Variants in GALNTL6 observed in about 807,000 individuals in gnomAD.
GALNTL6 encodes the protein polypeptide N-acetylgalactosaminyltransferase like 6.
In GALNTL6, 46 loss-of-function variants were observed where a neutral mutation model predicts 73.7. The ratio of observed to expected loss-of-function variants is 0.62; its 90% CI spans 0.49 to 0.80. The LOEUF is 0.80. GALNTL6 is among the 30% of genes least tolerant of loss of function. GALNTL6 has a pLI of 0.00. For missense variants in GALNTL6, 604 were observed against 755.0 expected, an observed-to-expected ratio of 0.80 and a Z score of 2.34; for synonymous variants, 259 against 263.7, an observed-to-expected ratio of 0.98 and a Z score of 0.17.
intron 4 of GALNTL6, among the ~76,000 whole-genome samples, chr4:172,339,178 G>T (rs1177020249): frequency 6.6e-6 from 1 of 151,832 alleles, no homozygotes; most frequent in East Asian, 1.9e-4. Flanking sequence ...AGATATGCCT[G>T]GGCATGGAGT....
chr4:172,875,166 A>G (rs1745130350), intron 7 of GALNTL6, among the ~76,000 whole-genome samples: 1 of 152,228 alleles, frequency 6.6e-6, no homozygotes, highest in Non-Finnish European at 1.5e-5. Flanking sequence ...GATGGACCCA[A>G]AGACCCTTGT....
chr4:172,285,967 T>G (rs1739229599), intron 3 of GALNTL6, among the ~76,000 whole-genome samples: 1 of 152,128 alleles, frequency 6.6e-6, no homozygotes, highest in South Asian at 2.1e-4. Context: ...GATACAAAAT[T>G]AACATCTCAG....
At chr4:172,025,158 C>T (rs1334070472) in intron 2 of GALNTL6, among the ~76,000 whole-genome samples, 3 of 151,846 alleles carry the variant, frequency 2.0e-5, no homozygotes, top group African/African-American at 7.3e-5. Context: ...ATAATGTTTC[C>T]AAATAAGGGG....
intron 3 of GALNTL6, among the ~76,000 whole-genome samples, chr4:172,277,064 A>T (rs1157973887): frequency 6.6e-6 from 1 of 151,764 alleles, no homozygotes; most frequent in African/African-American, 2.4e-5. Flanking sequence ...TCTGTTTTTG[A>T]CACCTCTTTG....
chr4:172,023,064 C>A (rs35164539), intron 2 of GALNTL6, among the ~76,000 whole-genome samples: 1 of 151,822 alleles, frequency 6.6e-6, no homozygotes, highest in African/African-American at 2.4e-5. Context: ...TACTCCTTTC[C>A]TCCCAACATC....
intron 2 of GALNTL6, among the ~76,000 whole-genome samples, chr4:172,086,512 T>C (rs1444822454): frequency 1.3e-5 from 2 of 151,980 alleles, no homozygotes; most frequent in African/African-American, 4.8e-5. Flanking sequence ...ATTCCTAAAG[T>C]TTATTCCTAT....
At chr4:172,324,928 T>C (rs1740891492) in intron 4 of GALNTL6, among the ~76,000 whole-genome samples, 1 of 151,368 alleles carries the variant, frequency 6.6e-6, no homozygotes, top group Non-Finnish European at 1.5e-5. Context: ...TATAAAGTGC[T>C]CCTTATAGGT....
At chr4:172,185,404 A>C (rs1401142950) in intron 2 of GALNTL6, among the ~76,000 whole-genome samples, 1 of 152,206 alleles carries the variant, frequency 6.6e-6, no homozygotes, top group Non-Finnish European at 1.5e-5. Context: ...TCGTTACACC[A>C]CAACTCTCAA....
chr4:172,894,350 C>T (rs1746208875), intron 8 of GALNTL6, among the ~76,000 whole-genome samples: 1 of 151,996 alleles, frequency 6.6e-6, no homozygotes, highest in South Asian at 2.1e-4. Flanking sequence ...ATAAACTTCC[C>T]TCTTAGTACT....
chr4:172,935,597 G>T (rs1241804670), intron 9 of GALNTL6, among the ~76,000 whole-genome samples: 1 of 152,058 alleles, frequency 6.6e-6, no homozygotes, highest in Non-Finnish European at 1.5e-5. Flanking sequence ...TGATAAAGGG[G>T]ATATTACCAC....
intron 5 of GALNTL6, among the ~76,000 whole-genome samples, chr4:172,701,292 C>T (rs1319147388): frequency 1.3e-5 from 2 of 152,126 alleles, no homozygotes; most frequent in East Asian, 3.9e-4. Context: ...ATTAATCATG[C>T]AGAAAAGTTC....
At chr4:172,470,334 GA>G (rs1330440585) in intron 5 of GALNTL6, among the ~76,000 whole-genome samples, 3 of 152,064 alleles carry the variant, frequency 2.0e-5, no homozygotes, top group Non-Finnish European at 4.4e-5. Flanking sequence ...CATTTACCTA[GA>G]AAAAACTTAA....
intron 5 of GALNTL6, among the ~76,000 whole-genome samples, chr4:172,715,300 A>G (rs1172735525): frequency 1.3e-5 from 2 of 152,174 alleles, no homozygotes; most frequent in Non-Finnish European, 2.9e-5. Flanking sequence ...ATGCACACAC[A>G]CAAGTATGTG....
chr4:172,693,599 C>T (rs1210599006), intron 5 of GALNTL6, among the ~76,000 whole-genome samples: 1 of 152,160 alleles, frequency 6.6e-6, no homozygotes, highest in Non-Finnish European at 1.5e-5. Context: ...CTGGTTCCTC[C>T]CCAGCTTTAA....
At chr4:172,151,371 C>G (rs545837507) in intron 2 of GALNTL6, among the ~76,000 whole-genome samples, 1 of 152,206 alleles carries the variant, frequency 6.6e-6, no homozygotes, top group East Asian at 1.9e-4. Flanking sequence ...GAGGAATACT[C>G]GTATCCTGAT....
rs374720377 is a variant in GALNTL6 at position 171,926,885 on chromosome 4, T to C, written c.138+112167T>C. Among the ~76,000 whole-genome samples, 79 of 152,312 alleles carry C rather than the reference T, an allele frequency of 5.2e-4. 1 individual carries two copies. Among genetic ancestry groups the C allele is most frequent in the Non-Finnish European group, 1.1e-3 (74 of 68,008 alleles). On this transcript the variant is annotated intron_variant, in intron 2 of 12. Coordinates refer to ENST00000506823, the MANE Select transcript of GALNTL6 (RefSeq NM_001034845.3). ...AGTTTTAGCTTTTGCACATAGTTTC[T>C]ACTTTTTTTGTATGTTTAATTTTTG...
chr4:171,842,634 AAG>A (rs1735267659), intron 2 of GALNTL6, among the ~76,000 whole-genome samples: 1 of 152,058 alleles, frequency 6.6e-6, no homozygotes, highest in African/African-American at 2.4e-5. Context: ...GAAAGGAGGC[AAG>A]AGAGAGAGAA....
chr4:172,112,752 T>A lies in GALNTL6; in HGVS notation c.139-116904T>A, dbSNP rs151199334. On this transcript the variant is annotated intron_variant, in intron 2 of 12. Coordinates refer to ENST00000506823, the MANE Select transcript of GALNTL6 (RefSeq NM_001034845.3). ...ATTAGGAAGTAGGATCTTTAAGACA[T>A]GATTAAATTCTGAGGCTGGAGCCTT... 7.2e-4 allele frequency among the ~76,000 whole-genome samples: 110 copies of A among 152,082 alleles called. 1 individual carries two copies. In the East Asian group the frequency reaches 0.018, roughly 25 times the overall value.
At chr4:172,282,682 C>T (rs993649671) in intron 3 of GALNTL6, among the ~76,000 whole-genome samples, 1 of 121,886 alleles carries the variant, frequency 8.2e-6, no homozygotes, top group African/African-American at 3.3e-5. Flanking sequence ...AAAAAAAAAG[C>T]AAAATGACTA....
Sources: allele counts gnomAD v4.1 joint callset (sites outside exome capture counted in the v4.1 genomes callset), GRCh38; gene constraint gnomAD v4.1.1; transcripts MANE v1.5; gene names NCBI Gene and HGNC (gene_info 2026-07-23, HGNC 2026-07-21).